Variants in GJC3 observed in about 807,000 individuals in gnomAD.
The protein encoded by GJC3 is gap junction protein gamma 3, also known as gap junction gamma-3 protein.
In GJC3, 17 loss-of-function variants were observed where a neutral mutation model predicts 19.8. The ratio of observed to expected loss-of-function variants is 0.86; its 90% CI spans 0.59 to 1.29. The LOEUF (loss-of-function observed/expected upper bound fraction) is 1.29, where lower values mean the gene tolerates loss of function less well. Among genes scored for constraint, GJC3 ranks in the 50% most tolerant of loss-of-function variants. GJC3 has a pLI of 0.00. For synonymous variants in GJC3, 140 were observed against 136.5 expected (o/e 1.03, Z -0.18); for missense variants, 317 against 332.5 (o/e 0.95, Z 0.36).
Position 99,929,459 on chromosome 7 carries a change from G to A in GJC3, c.162C>T (p.His54=). The change falls in exon 1 of 2, where the codon CAC becomes CAT. Residue 54 remains histidine (H), a synonymous_variant. Transcript: ENST00000312891. ...YGDEQSEFVC[H]TQQPGCKAAC... ...CAGCCTTGCAGCCCGGCTGCTGGGT[G>A]TGACACACGAATTCACTCTGCTCAT... 1 of 1,613,638 alleles carries A rather than the reference G, an allele frequency of 6.2e-7. No individual in the cohort carries two copies. The highest frequency in any genetic ancestry group is 8.5e-7 in the Non-Finnish European group (1 of 1,179,596).
intron 1 of GJC3, among the ~76,000 whole-genome samples, chr7:99,925,944 A>C (rs1402750321): frequency 1.3e-5 from 2 of 152,228 alleles, no homozygotes; most frequent in African/African-American, 2.4e-5. Flanking sequence ...AGAGTTTGGC[A>C]GTTCCTCAAA....
At chr7:99,930,469 G>A (rs555211879), upstream of GJC3, among the ~76,000 whole-genome samples, 113 of 152,254 alleles carry the variant, frequency 7.4e-4, no homozygotes, top group Non-Finnish European at 1.1e-3. Context: ...CATGATCAAG[G>A]ATAAGTTTCA....
intron 1 of GJC3, among the ~76,000 whole-genome samples, chr7:99,926,575 C>CATG (rs1161708096): frequency 1.3e-4 from 20 of 152,274 alleles, no homozygotes; most frequent in Admixed American, 1.1e-3. Context: ...AGAAGCCAGA[C>CATG]ATGAAAGACC....
intron 1 of GJC3, among the ~76,000 whole-genome samples, chr7:99,925,476 A>G (rs995869444): frequency 4.6e-5 from 7 of 152,330 alleles, no homozygotes; most frequent in Admixed American, 2.6e-4. Context: ...ATGGCTGTGA[A>G]TTAGGCAATA....
At position 99,927,638 on chromosome 7, in the gene GJC3, T is replaced by TAA. The variant is rs71276829; in HGVS notation, c.781+1200_781+1201dup. On this transcript the variant is annotated intron_variant, in intron 1 of 1. Coordinates refer to ENST00000312891, the MANE Select transcript of GJC3 (RefSeq NM_181538.3). ...CTAAGAAAAGAGGGCAGCGTTCTGT[T>TAA]AAAAAAAAAAAGGGATAGAACAACA... Among the ~76,000 whole-genome samples, 617 of 145,924 alleles carry TAA rather than the reference T, an allele frequency of 4.2e-3. 4 individuals carry two copies. Among genetic ancestry groups the TAA allele is most frequent in the African/African-American group, 0.014 (571 of 40,250 alleles).
At chr7:99,930,319 T>C (rs1819878207), upstream of GJC3, among the ~76,000 whole-genome samples, 1 of 152,146 alleles carries the variant, frequency 6.6e-6, no homozygotes, top group African/African-American at 2.4e-5. Flanking sequence ...ATTTGGAAGG[T>C]AACCCAGCAG....
chr7:99,927,176 G>A (rs569146119), intron 1 of GJC3, among the ~76,000 whole-genome samples: 47 of 152,360 alleles, frequency 3.1e-4, no homozygotes, highest in Admixed American at 1.8e-3. Flanking sequence ...GTGTTGCAAA[G>A]GGAGTAGCCT....
intron 1 of GJC3, among the ~76,000 whole-genome samples, chr7:99,927,390 G>T (rs1192586217): frequency 1.3e-5 from 2 of 152,188 alleles, no homozygotes; most frequent in African/African-American, 4.8e-5. Flanking sequence ...AATTCCAAAT[G>T]ATGCTATTTG....
intron 1 of GJC3, among the ~76,000 whole-genome samples, chr7:99,928,609 G>A (rs566789198): frequency 2.6e-5 from 4 of 152,344 alleles, no homozygotes; most frequent in South Asian, 2.1e-4. Context: ...GTCCTTGTTC[G>A]CTGGAAGGAA....
intron 1 of GJC3, among the ~76,000 whole-genome samples, chr7:99,927,829 T>A (rs1165012166): frequency 6.6e-6 from 1 of 152,144 alleles, no homozygotes; most frequent in Non-Finnish European, 1.5e-5. Context: ...GTTATGAAAT[T>A]AAAGAGTAGG....
intron 1 of GJC3, among the ~76,000 whole-genome samples, chr7:99,928,434 C>T (rs938281982): frequency 2.6e-5 from 4 of 152,252 alleles, no homozygotes; most frequent in Non-Finnish European, 5.9e-5. Flanking sequence ...CATGAATCCC[C>T]ACTCACTGGA....
rs752804324 is a variant in GJC3, at chr7:99,929,096, A to C, written c.525T>G (p.Leu175=). Reference sequence around the variant, plus strand: ...GGGACAGATTGCAGGTTATACTACCAAGGCAAGGTTCTCGGCGACATGCAA... The same window carrying C: ...GGGACAGATTGCAGGTTATACTACCCAGGCAAGGTTCTCGGCGACATGCAA... The part of the protein sequence containing the change: ...SSFACRREPC[L]GSITCNLSRP... Residue 175 remains leucine, a synonymous_variant, in exon 1 of 2, where the codon CTT becomes CTG. Coordinates refer to ENST00000312891, the MANE Select transcript of GJC3 (RefSeq NM_181538.3). 22 of 1,613,814 alleles carry C rather than the reference A, an allele frequency of 1.4e-5. No individual in the cohort carries two copies. The East Asian group carries it at 2.9e-4, about 21-fold the overall frequency.
Position 99,929,182 on chromosome 7 carries a change from G to A in GJC3, c.439C>T (p.Leu147=). The A allele has an allele frequency of 1.9e-6, 3 of 1,613,960 alleles. No individual in the cohort carries two copies. The highest frequency in any genetic ancestry group is 8.5e-7 in the Non-Finnish European group (1 of 1,179,916). The change falls in exon 1 of 2, where the codon CTG becomes TTG. Residue 147 remains leucine (L), a synonymous_variant. Transcript: ENST00000312891. ...TGCAACCCCAGGGCTGCCCCCTCCA[G>A]GACAAGCCGAGCCCCCAGCTGAGCC... ...YVAQLGARLV[L]EGAALGLQYH...
rs776612346 is a variant in GJC3 at position 99,929,062 on chromosome 7, CAG to C, written c.557_558del (p.Ser186Ter). Reference protein sequence around the residue: ...GSITCNLSRPSEKTIFLKTMF... With the variant: ...GSITCNLSRPXEKTIFLKTMF... ...ATGGTCTTTAGGAAAATGGTCTTCT[CAG>C]AGGGGCGGGACAGATTGCAGGTTAT... On this transcript the variant is annotated frameshift_variant, in exon 1 of 2. Coordinates refer to ENST00000312891, the MANE Select transcript of GJC3 (RefSeq NM_181538.3). LOFTEE classifies it high-confidence loss of function. 1 of 1,614,146 alleles carries C rather than the reference CAG, an allele frequency of 6.2e-7. No individual in the cohort carries two copies. Among genetic ancestry groups the C allele is most frequent in the Non-Finnish European group, 8.5e-7 (1 of 1,180,028 alleles).
rs1187268209 is a variant in GJC3 at position 99,929,450 on chromosome 7, C to A, written c.171G>T (p.Gln57His). 2 of 1,613,544 alleles carry A rather than the reference C, an allele frequency of 1.2e-6. No individual in the cohort carries two copies. Among genetic ancestry groups the A allele is most frequent in the Non-Finnish European group, 1.7e-6 (2 of 1,179,624 alleles). The change falls in exon 1 of 2, where the codon CAG becomes CAT. Residue 57 changes from glutamine (Q) to histidine (H), a missense_variant. Coordinates refer to ENST00000312891, the MANE Select transcript of GJC3 (RefSeq NM_181538.3). ...CGAAGCAGGCAGCCTTGCAGCCCGG[C>A]TGCTGGGTGTGACACACGAATTCAC... is the stretch of plus-strand genomic sequence containing the variant. Reference protein sequence around the residue: ...EQSEFVCHTQQPGCKAACFDA... With the variant: ...EQSEFVCHTQHPGCKAACFDA...
chr7:99,926,194 TGTG>T (rs1303797241), intron 1 of GJC3, among the ~76,000 whole-genome samples: 1 of 151,788 alleles, frequency 6.6e-6, no homozygotes, highest in Non-Finnish European at 1.5e-5. Flanking sequence ...ATTAGCTGGG[TGTG>T]GTGGTGCGCA....
chr7:99,927,524 C>T (rs1250398993), intron 1 of GJC3, among the ~76,000 whole-genome samples: 1 of 151,844 alleles, frequency 6.6e-6, no homozygotes, highest in African/African-American at 2.4e-5. Flanking sequence ...CCTTGGGATC[C>T]CCTAACTTAC....
intron 1 of GJC3, among the ~76,000 whole-genome samples, chr7:99,924,161 C>T (rs375243227): frequency 5.9e-5 from 9 of 152,314 alleles, no homozygotes; most frequent in African/African-American, 2.2e-4. Flanking sequence ...GTCAACATTG[C>T]TCATCACTGT....
At chr7:99,927,616 A>G (rs961965285) in intron 1 of GJC3, among the ~76,000 whole-genome samples, 5 of 150,338 alleles carry the variant, frequency 3.3e-5, no homozygotes, top group Non-Finnish European at 7.4e-5. Flanking sequence ...GAGAAAACTA[A>G]GAAAAGAGGG....
Sources: gnomAD v4.1 joint callset for allele counts (sites outside exome capture counted in the v4.1 genomes callset) on GRCh38, gnomAD v4.1.1 for gene constraint, MANE v1.5 for transcripts, NCBI Gene and HGNC (gene_info 2026-07-23, HGNC 2026-07-21) for gene names.